The following RHOH variants were observed in gnomAD, a reference collection of about 807,000 sequenced individuals.
RHOH encodes rho-related GTP-binding protein RhoH.
A neutral mutation model predicts 13.8 loss-of-function variants in RHOH; 6 were observed. The observed-to-expected ratio is 0.44, with a 90% CI of 0.24 to 0.86. RHOH has a LOEUF of 0.86. Among genes scored for constraint, RHOH ranks in the 40% least tolerant of loss-of-function variants. The pLI is 0.24. For synonymous variants in RHOH, 117 were observed against 103.0 expected (o/e 1.14, Z -0.82); for missense variants, 147 against 244.5 (o/e 0.60, Z 2.66).
chr4:40,226,507 CAA>C (rs1366304122), intron 1 of RHOH, among the ~76,000 whole-genome samples: 1 of 118,412 alleles, frequency 8.4e-6, no homozygotes, highest in Non-Finnish European at 1.7e-5. Flanking sequence ...GCCTGGGTAA[CAA>C]GAGTGAAACT....
intron 1 of RHOH, among the ~76,000 whole-genome samples, chr4:40,229,753 C>T (rs1484974189): frequency 6.6e-6 from 1 of 151,980 alleles, no homozygotes; most frequent in African/African-American, 2.4e-5. Context: ...CCCCTGTATA[C>T]CCACCACTCA....
intron 1 of RHOH, 100 bp from the exon 2 acceptor site, chr4:40,242,614 A>G (rs914161199): frequency 3.3e-5 from 5 of 152,240 alleles, no homozygotes; most frequent in African/African-American, 9.6e-5. Flanking sequence ...TTCCCCTATT[A>G]CAACACATAT....
intron 1 of RHOH, among the ~76,000 whole-genome samples, chr4:40,199,546 A>G (rs571686641): frequency 1.3e-5 from 2 of 152,360 alleles, no homozygotes; most frequent in African/African-American, 4.8e-5. Context: ...TTATGAGATG[A>G]GAGAGGTCCT....
At chr4:40,230,768 G>T (rs1216451087) in intron 1 of RHOH, among the ~76,000 whole-genome samples, 1 of 152,052 alleles carries the variant, frequency 6.6e-6, no homozygotes, top group Admixed American at 6.5e-5. Flanking sequence ...ATTCAGCTTT[G>T]CTCATCTCCT....
At chr4:40,226,533 AAAAAAAAAAAAAG>A (rs1727265174) in intron 1 of RHOH, among the ~76,000 whole-genome samples, 1 of 149,078 alleles carries the variant, frequency 6.7e-6, no homozygotes, top group African/African-American at 2.6e-5. Flanking sequence ...TCTCAAAAAA[AAAAAAAAAAAAAG>A]AAAAAGAAAA....
In RHOH at chr4:40,244,142, A is replaced by C; in HGVS notation, c.*180A>C. On this transcript the variant is annotated 3_prime_UTR_variant, in exon 3 of 3. Transcript: ENST00000381799. ...GATGTTTTCACTAACTACACTCTACAAGTGAACTCCTTGCCCAGGCCAGTT... is the reference window on the plus strand; with the variant it reads ...GATGTTTTCACTAACTACACTCTACCAGTGAACTCCTTGCCCAGGCCAGTT... 3.8e-6 allele frequency: 2 copies of C among 526,894 alleles called. No homozygotes were observed. The highest frequency in any genetic ancestry group is 3.0e-5 in the East Asian group (1 of 33,046). 32.6% of individuals were successfully genotyped at this position (526,894 alleles called of 1,614,324 possible). A position where few individuals can be genotyped will look rare whatever the true frequency, so the allele number is the denominator to read the frequency against.
At chr4:40,233,728 T>C (rs1728218810) in intron 1 of RHOH, among the ~76,000 whole-genome samples, 1 of 152,176 alleles carries the variant, frequency 6.6e-6, no homozygotes, top group Non-Finnish European at 1.5e-5. Context: ...TTGAATTTCA[T>C]ATAATTTTCA....
intron 1 of RHOH, among the ~76,000 whole-genome samples, chr4:40,222,261 T>C (rs745969923): frequency 5.3e-5 from 8 of 152,140 alleles, no homozygotes; most frequent in Admixed American, 1.3e-4. Flanking sequence ...CAGTGTACAA[T>C]AGAATTTTCA....
chr4:40,223,337 A>G (rs1726808760), intron 1 of RHOH, among the ~76,000 whole-genome samples: 1 of 152,142 alleles, frequency 6.6e-6, no homozygotes, highest in Non-Finnish European at 1.5e-5. Context: ...GGCAAACTTC[A>G]TTGTTGTCTT....
intron 1 of RHOH, chr4:40,200,462 G>A (rs1386060065): frequency 6.6e-6 from 1 of 152,106 alleles, no homozygotes; most frequent in East Asian, 1.9e-4. Flanking sequence ...GAATCTGTGT[G>A]ATTAAAAAAT....
intron 1 of RHOH, among the ~76,000 whole-genome samples, chr4:40,215,842 C>G (rs1028928851): frequency 6.6e-6 from 1 of 152,126 alleles, no homozygotes. Flanking sequence ...ATCGCTTGAA[C>G]CTGGGAGGTG....
At chr4:40,212,156 G>A (rs985493637) in intron 1 of RHOH, among the ~76,000 whole-genome samples, 6 of 152,180 alleles carry the variant, frequency 3.9e-5, no homozygotes, top group African/African-American at 1.4e-4. Flanking sequence ...AGGGTGGATA[G>A]CAAATGAAGC....
chr4:40,235,959 C>T (rs1269615920), intron 1 of RHOH, among the ~76,000 whole-genome samples: 3 of 134,606 alleles, frequency 2.2e-5, no homozygotes, highest in Admixed American at 2.2e-4. Flanking sequence ...TCCAGCCTGG[C>T]ACACAGAGTA....
intron 1 of RHOH, among the ~76,000 whole-genome samples, chr4:40,230,433 C>A (rs1386147232): frequency 6.6e-6 from 1 of 151,956 alleles, no homozygotes; most frequent in Non-Finnish European, 1.5e-5. Context: ...CAGGTTCAAG[C>A]GATTTTCCTG....
At position 40,245,549 on chromosome 4, in the gene RHOH, A is replaced by C. The variant is rs1729713433; in HGVS notation, c.*1587A>C. 1 of 149,232 alleles carries C rather than the reference A, an allele frequency of 6.7e-6. No homozygotes were observed. The highest frequency in any genetic ancestry group is 2.1e-4 in the South Asian group (1 of 4,676). The allele number at this position is 149,232 out of a possible 1,614,324, so 9.2% of individuals were successfully genotyped here. A position where few individuals can be genotyped will look rare whatever the true frequency, so the allele number is the denominator to read the frequency against. ...GGGAGACTCCATCTCAAAAAAAAAA[A>C]AAAGAAAAGAAAAAAAAGAAAGAAA... is the stretch of plus-strand genomic sequence containing the variant. On this transcript the variant is annotated 3_prime_UTR_variant, in exon 3 of 3. Transcript: ENST00000381799.
chr4:40,229,486 T>G (rs1043229088), intron 1 of RHOH, among the ~76,000 whole-genome samples: 1 of 151,660 alleles, frequency 6.6e-6, no homozygotes, highest in African/African-American at 2.4e-5. Context: ...AAGTACAAAA[T>G]TAGCTGGCAT....
upstream of RHOH, chr4:40,191,221 C>T (rs974484819): frequency 6.6e-6 from 1 of 152,232 alleles, no homozygotes. Flanking sequence ...TCTGGACTCA[C>T]TCTCAGAGCC....
At chr4:40,216,136 A>ATTT (rs35028517) in intron 1 of RHOH, among the ~76,000 whole-genome samples, 18,059 of 132,358 alleles carry the variant, frequency 0.14, 1,429 homozygotes, top group East Asian at 0.32. Flanking sequence ...GACAGTTGCT[A>ATTT]TTTTTTTTTT....
intron 1 of RHOH, among the ~76,000 whole-genome samples, chr4:40,239,399 T>C (rs1232948338): frequency 2.0e-5 from 3 of 152,210 alleles, no homozygotes; most frequent in Non-Finnish European, 4.4e-5. Context: ...TGTCTGGGTA[T>C]GAGACACACA....
Sources: allele counts gnomAD v4.1 joint callset (sites outside exome capture counted in the v4.1 genomes callset), GRCh38; gene constraint gnomAD v4.1.1; transcripts MANE v1.5; gene names NCBI Gene and HGNC (gene_info 2026-07-23, HGNC 2026-07-21).